SLC2A13: variants seen among roughly 807,000 people sequenced by gnomAD.
The protein encoded by SLC2A13 is proton myo-inositol cotransporter.
A neutral mutation model predicts 64.4 loss-of-function variants in SLC2A13; 32 were observed. That is an observed-to-expected ratio of 0.50 (90% CI 0.37 to 0.67). The LOEUF (loss-of-function observed/expected upper bound fraction) is 0.67. Ranked by LOEUF, SLC2A13 falls within the 30% of genes least tolerant of loss-of-function variation. The probability of loss-of-function intolerance (pLI) is 0.00; values close to 1 mark genes in which losing one functional copy is unlikely to be tolerated. For missense variants in SLC2A13, 743 were observed against 829.2 expected, an observed-to-expected ratio of 0.90 and a Z score of 1.28; for synonymous variants, 338 against 327.1, an observed-to-expected ratio of 1.03 and a Z score of -0.36.
In SLC2A13 at chr12:39,924,172, T is replaced by C. The variant is rs561928436; in HGVS notation, c.1034+27085A>G. Among the ~76,000 whole-genome samples the C allele has an allele frequency of 6.6e-5, 10 of 152,308 alleles. No individual in the cohort carries two copies. In the South Asian group the frequency reaches 1.9e-3, roughly 28 times the overall value. ...TGTTTTTATAAAATATCCTATACTT[T>C]TGGCCTTCCAGAAAGCCCAAAACAG... On this transcript the variant is annotated intron_variant, in intron 4 of 9. Coordinates refer to ENST00000280871, the MANE Select transcript of SLC2A13 (RefSeq NM_052885.4).
At chr12:40,070,984 AG>A (rs2136269176) in intron 1 of SLC2A13, among the ~76,000 whole-genome samples, 2 of 152,280 alleles carry the variant, frequency 1.3e-5, no homozygotes, top group South Asian at 4.1e-4. Context: ...AGGGACTTCA[AG>A]GTGGGGATTA....
At chr12:39,894,375 C>A (rs1183354536) in intron 4 of SLC2A13, among the ~76,000 whole-genome samples, 5 of 152,096 alleles carry the variant, frequency 3.3e-5, no homozygotes, top group Admixed American at 3.3e-4. Flanking sequence ...AATATCACAA[C>A]AATATTTTTC....
intron 4 of SLC2A13, among the ~76,000 whole-genome samples, chr12:39,897,118 CT>C (rs1465833134): frequency 1.3e-5 from 2 of 152,064 alleles, no homozygotes; most frequent in African/African-American, 4.8e-5. Flanking sequence ...ATCATTGTTC[CT>C]GTGAATTAAG....
At chr12:40,036,623 T>C (rs1463549928) in intron 2 of SLC2A13, among the ~76,000 whole-genome samples, 2 of 152,242 alleles carry the variant, frequency 1.3e-5, no homozygotes, top group Non-Finnish European at 2.9e-5. Flanking sequence ...CATATGGTTG[T>C]TCCTTCTATG....
rs1939970387 is a variant in SLC2A13 at position 39,756,414 on chromosome 12, A to C, written c.*3612T>G. On this transcript the variant is annotated 3_prime_UTR_variant, in exon 10 of 10. Transcript: ENST00000280871. ...TACTTAGTATAAGTTGACATTTTATAACTTGCAATATGGTAAAAAAAAATC... is the reference window on the plus strand; with the variant it reads ...TACTTAGTATAAGTTGACATTTTATCACTTGCAATATGGTAAAAAAAAATC... 4 of 102,058 alleles carry C rather than the reference A, an allele frequency of 3.9e-5. No homozygotes were observed. In the South Asian group the frequency reaches 1.3e-3, roughly 33 times the overall value. The allele number at this position is 102,058 out of a possible 1,614,324, so 6.3% of individuals were successfully genotyped here. A position where few individuals can be genotyped will look rare whatever the true frequency, so the allele number is the denominator to read the frequency against.
At chr12:39,941,023 C>T (rs530088146) in intron 4 of SLC2A13, among the ~76,000 whole-genome samples, 69 of 152,058 alleles carry the variant, frequency 4.5e-4, no homozygotes, top group Non-Finnish European at 7.1e-4. Context: ...TCATCTAGGT[C>T]AGTGCAAATG....
chr12:39,766,485 G>A (rs1390401634), intron 7 of SLC2A13, among the ~76,000 whole-genome samples: 2 of 152,052 alleles, frequency 1.3e-5, no homozygotes, highest in Admixed American at 1.3e-4. Flanking sequence ...TCAATGTTGA[G>A]GGCTGCTGAC....
intron 4 of SLC2A13, among the ~76,000 whole-genome samples, chr12:39,875,513 A>G (rs1195349651): frequency 3.3e-5 from 5 of 152,202 alleles, no homozygotes; most frequent in Non-Finnish European, 7.3e-5. Flanking sequence ...GGCTCTGGGA[A>G]CTAGGATGTT....
intron 7 of SLC2A13, among the ~76,000 whole-genome samples, chr12:39,795,023 C>G (rs1337396100): frequency 6.6e-6 from 1 of 152,120 alleles, no homozygotes. Flanking sequence ...TATTGTCTTA[C>G]TGCTGGGATG....
At chr12:40,019,346 A>C (rs1383418913) in intron 3 of SLC2A13, among the ~76,000 whole-genome samples, 1 of 132,204 alleles carries the variant, frequency 7.6e-6, no homozygotes, top group Non-Finnish European at 1.6e-5. Context: ...TTTAAGAGCA[A>C]GGACAATGCC....
chr12:40,063,980 T>C (rs1160135229), intron 1 of SLC2A13, among the ~76,000 whole-genome samples: 2 of 152,250 alleles, frequency 1.3e-5, no homozygotes, highest in Admixed American at 6.5e-5. Context: ...TGGTGACTCA[T>C]GCCTGTAATC....
At chr12:39,839,441 A>T (rs1319447913) in intron 6 of SLC2A13, among the ~76,000 whole-genome samples, 1 of 152,102 alleles carries the variant, frequency 6.6e-6, no homozygotes, top group African/African-American at 2.4e-5. Context: ...TACTAATTTC[A>T]TGAAGCAAAT....
intron 4 of SLC2A13, among the ~76,000 whole-genome samples, chr12:39,944,869 G>T (rs1946109095): frequency 6.6e-6 from 1 of 152,134 alleles, no homozygotes; most frequent in Non-Finnish European, 1.5e-5. Flanking sequence ...AGGTACTGTT[G>T]CTTTCATCAT....
At chr12:39,998,177 A>G (rs1272368708) in intron 3 of SLC2A13, among the ~76,000 whole-genome samples, 1 of 152,212 alleles carries the variant, frequency 6.6e-6, no homozygotes, top group Non-Finnish European at 1.5e-5. Context: ...ATATATATGT[A>G]TACAATGGAA....
chr12:39,805,807 T>C lies in SLC2A13; in HGVS notation c.1445+24296A>G, dbSNP rs538499789. ...CAGAGTTGAGGTTTTAAATAAATAA[T>C]CTAGAAAGGGAGTTGCCCGTTTTTT... On this transcript the variant is annotated intron_variant, in intron 7 of 9. Transcript: ENST00000280871. 4.6e-5 allele frequency among the ~76,000 whole-genome samples: 7 copies of C among 152,242 alleles called. No individual in the cohort carries two copies. The East Asian group carries it at 1.4e-3, about 29-fold the overall frequency.
At chr12:39,997,283 G>A (rs548475254) in intron 3 of SLC2A13, among the ~76,000 whole-genome samples, 1 of 152,180 alleles carries the variant, frequency 6.6e-6, no homozygotes, top group South Asian at 2.1e-4. Context: ...CATAAAGTGG[G>A]GAAAGGACAC....
At chr12:39,969,189 C>A (rs1198543257) in intron 3 of SLC2A13, among the ~76,000 whole-genome samples, 1 of 152,164 alleles carries the variant, frequency 6.6e-6, no homozygotes, top group Non-Finnish European at 1.5e-5. Context: ...TTTCTTAATC[C>A]AGTCTATCAT....
intron 1 of SLC2A13, among the ~76,000 whole-genome samples, chr12:40,051,739 T>C (rs1592041490): frequency 1.3e-5 from 2 of 152,258 alleles, no homozygotes; most frequent in Admixed American, 1.3e-4. Flanking sequence ...ACGAAAAGCA[T>C]CCTGCTGAGG....
intron 3 of SLC2A13, among the ~76,000 whole-genome samples, chr12:40,002,058 A>C (rs1211064976): frequency 6.6e-6 from 1 of 152,214 alleles, no homozygotes; most frequent in African/African-American, 2.4e-5. Context: ...TCTCCAACTA[A>C]CAACTGAAAT....
Sources: gnomAD v4.1 joint callset for allele counts (sites outside exome capture counted in the v4.1 genomes callset) on GRCh38, gnomAD v4.1.1 for gene constraint, MANE v1.5 for transcripts, NCBI Gene and HGNC (gene_info 2026-07-23, HGNC 2026-07-21) for gene names.